Variants in UBASH3B observed in about 807,000 individuals in gnomAD.
UBASH3B encodes ubiquitin-associated and SH3 domain-containing protein B.
A neutral mutation model predicts 83.4 loss-of-function variants in UBASH3B; 37 were observed. The ratio of observed to expected loss-of-function variants is 0.44; its 90% confidence interval spans 0.34 to 0.58. The LOEUF (loss-of-function observed/expected upper bound fraction) is 0.58, where lower values mean the gene tolerates loss of function less well. UBASH3B is among the 20% of genes least tolerant of loss of function. The pLI is 0.01. For synonymous variants in UBASH3B, 304 were observed against 318.3 expected (o/e 0.96, Z 0.48); for missense variants, 657 against 827.2 (o/e 0.79, Z 2.52).
In UBASH3B at chr11:122,810,312, T is replaced by C. The variant is rs945751103; in HGVS notation, c.*426T>C. 11 of 155,124 alleles carry C rather than the reference T, an allele frequency of 7.1e-5. No individual in the cohort carries two copies. The highest frequency in any genetic ancestry group is 1.9e-4 in the Admixed American group (3 of 15,598). 9.6% of individuals were successfully genotyped at this position (155,124 alleles called of 1,614,324 possible). A position where few individuals can be genotyped will look rare whatever the true frequency, so the allele number is the denominator to read the frequency against. ...GCTTGGGGATGGAATTTTTTTTTTTTTATCTCCATTTTCCAGTTAGGTAGA... is the reference window on the plus strand; with the variant it reads ...GCTTGGGGATGGAATTTTTTTTTTTCTATCTCCATTTTCCAGTTAGGTAGA... On this transcript the variant is annotated 3_prime_UTR_variant, in exon 14 of 14. Transcript: ENST00000284273.
At chr11:122,695,942 T>C (rs796507447) in intron 1 of UBASH3B, among the ~76,000 whole-genome samples, 13 of 152,294 alleles carry the variant, frequency 8.5e-5, no homozygotes, top group African/African-American at 3.1e-4. Context: ...ATAGTTTTTT[T>C]ATTTTTTATT....
chr11:122,711,655 C>G lies in UBASH3B; in HGVS notation c.161+55445C>G, dbSNP rs538502517. 1.8e-4 allele frequency among the ~76,000 whole-genome samples: 28 copies of G among 152,352 alleles called. No individual in the cohort carries two copies. The South Asian group carries it at 5.6e-3, about 30-fold the overall frequency. ...ACTACCTCATGCTGTGTAACGGGCA[C>G]AGGTGCATGTGGAAAAAGAATCAAG... On this transcript the variant is annotated intron_variant, in intron 1 of 13. Transcript: ENST00000284273.
chr11:122,663,445 G>C (rs549782769), intron 1 of UBASH3B, among the ~76,000 whole-genome samples: 21 of 152,350 alleles, frequency 1.4e-4, no homozygotes, highest in African/African-American at 5.1e-4. Flanking sequence ...CTGCCTCACT[G>C]TTCTATCCTG....
At chr11:122,688,707 C>T (rs185058342) in intron 1 of UBASH3B, among the ~76,000 whole-genome samples, 1,838 of 150,492 alleles carry the variant, frequency 0.012, 37 homozygotes, top group African/African-American at 0.042. Flanking sequence ...TGCAGTAGTG[C>T]AATCTCGGCT....
chr11:122,657,222 A>G (rs1442558341), intron 1 of UBASH3B, among the ~76,000 whole-genome samples: 1 of 152,206 alleles, frequency 6.6e-6, no homozygotes, highest in East Asian at 1.9e-4. Context: ...AAACTTAATC[A>G]GTGAGGGCCA....
In UBASH3B at chr11:122,699,544, T is replaced by G. The variant is rs895556023; in HGVS notation, c.161+43334T>G. ...CTTTCTTTCTTTCTCTTTCTTTCTT[T>G]CTTTCTTTCTTTCTTTCTTTCTTTC... On this transcript the variant is annotated intron_variant, in intron 1 of 13. Coordinates refer to ENST00000284273, the MANE Select transcript of UBASH3B (RefSeq NM_032873.5). Among the ~76,000 whole-genome samples, 268 of 129,070 alleles carry G rather than the reference T, an allele frequency of 2.1e-3. 1 individual carries two copies. Among genetic ancestry groups the G allele is most frequent in the Non-Finnish European group, 3.4e-3 (205 of 61,120 alleles). The allele number at this position is 129,070 out of a possible 152,430, so 84.7% of individuals were successfully genotyped here. A position where few individuals can be genotyped will look rare whatever the true frequency, so the allele number is the denominator to read the frequency against.
intron 1 of UBASH3B, among the ~76,000 whole-genome samples, chr11:122,766,868 G>GT (rs1860551215): frequency 6.6e-6 from 1 of 152,266 alleles, no homozygotes; most frequent in Non-Finnish European, 1.5e-5. Context: ...GGACTCAGTT[G>GT]TGCTTCTACT....
At chr11:122,664,059 T>G (rs1863482401) in intron 1 of UBASH3B, among the ~76,000 whole-genome samples, 1 of 152,182 alleles carries the variant, frequency 6.6e-6, no homozygotes, top group African/African-American at 2.4e-5. Context: ...TCCACTTTTA[T>G]GGTTCTCTGT....
At chr11:122,725,407 G>T (rs751522948) in intron 1 of UBASH3B, among the ~76,000 whole-genome samples, 43 of 151,438 alleles carry the variant, frequency 2.8e-4, no homozygotes, top group Non-Finnish European at 5.7e-4. Flanking sequence ...TGAGTGCAAG[G>T]TATCTACCAT....
intron 5 of UBASH3B, among the ~76,000 whole-genome samples, 156 bp downstream of exon 5, chr11:122,783,378 T>C (rs1290517375): frequency 6.6e-6 from 1 of 152,128 alleles, no homozygotes; most frequent in African/African-American, 2.4e-5. Context: ...AGCCTCTGCT[T>C]GCCTCACTGG....
rs775906308 is a variant in UBASH3B at position 122,796,912 on chromosome 11, C to T, written c.1236C>T (p.Gly412=). Reference sequence around the variant, plus strand: ...CTGTCTAACCTCTTTGTTTTTCAGGCCGCTACATACGCACCAACCTGAACA... The same window carrying T: ...CTGTCTAACCTCTTTGTTTTTCAGGTCGCTACATACGCACCAACCTGAACA... ...YWLSQCFDAK[G]RYIRTNLNMP... is the part of the protein sequence containing the mutation. Residue 412 remains glycine (G), a splice_region_variant and synonymous_variant, in exon 9 of 14, where the codon GGC becomes GGT. Transcript: ENST00000284273. 13 of 1,613,976 alleles carry T rather than the reference C, an allele frequency of 8.1e-6. No individual in the cohort carries two copies. In the African/African-American group the frequency reaches 1.6e-4, roughly 20 times the overall value.
In UBASH3B at chr11:122,699,566, T is replaced by C. The variant is rs11218762; in HGVS notation, c.161+43356T>C. On this transcript the variant is annotated intron_variant, in intron 1 of 13. Transcript: ENST00000284273. ...CTTTCTTTCTTTCTTTCTTTCTTTC[T>C]TTCTTTCTTTTCTTTCTTTCCTTTC... Among the ~76,000 whole-genome samples, 20 of 135,750 alleles carry C rather than the reference T, an allele frequency of 1.5e-4. No homozygotes were observed. In the South Asian group the frequency reaches 1.8e-3, roughly 12 times the overall value. 89.1% of individuals were successfully genotyped at this position (135,750 alleles called of 152,430 possible). A position where few individuals can be genotyped will look rare whatever the true frequency, so the allele number is the denominator to read the frequency against.
chr11:122,693,508 T>G (rs1283969022), intron 1 of UBASH3B, among the ~76,000 whole-genome samples: 1 of 152,140 alleles, frequency 6.6e-6, no homozygotes, highest in Non-Finnish European at 1.5e-5. Context: ...AGGTACAGAA[T>G]GGACAAAGTC....
intron 1 of UBASH3B, among the ~76,000 whole-genome samples, chr11:122,688,990 G>A (rs1186861504): frequency 7.3e-6 from 1 of 136,656 alleles, no homozygotes; most frequent in Non-Finnish European, 1.6e-5. Flanking sequence ...GGGGGGGGGG[G>A]GGTTCCACCA....
chr11:122,722,760 C>T (rs1391084317), intron 1 of UBASH3B, among the ~76,000 whole-genome samples: 1 of 150,906 alleles, frequency 6.6e-6, no homozygotes, highest in African/African-American at 2.4e-5. Flanking sequence ...GGCTGGAGTG[C>T]AGTGGCATGA....
intron 1 of UBASH3B, among the ~76,000 whole-genome samples, chr11:122,762,460 C>T (rs890870991): frequency 4.6e-5 from 7 of 152,230 alleles, no homozygotes; most frequent in Non-Finnish European, 8.8e-5. Flanking sequence ...TATCACTCTT[C>T]TGTTAGGATA....
intron 1 of UBASH3B, among the ~76,000 whole-genome samples, chr11:122,676,077 C>T (rs1356415852): frequency 6.6e-6 from 1 of 152,180 alleles, no homozygotes; most frequent in Non-Finnish European, 1.5e-5. Flanking sequence ...GCTCTCCCAC[C>T]TCACCCTAAC....
intron 1 of UBASH3B, among the ~76,000 whole-genome samples, chr11:122,727,318 AT>A (rs1860759365): frequency 6.6e-6 from 1 of 152,174 alleles, no homozygotes; most frequent in Non-Finnish European, 1.5e-5. Context: ...GTTGGCTGTA[AT>A]TAGCTAGAAT....
intron 1 of UBASH3B, among the ~76,000 whole-genome samples, chr11:122,753,696 T>C (rs999365359): frequency 1.3e-5 from 2 of 151,784 alleles, no homozygotes; most frequent in Non-Finnish European, 2.9e-5. Flanking sequence ...GATTTCTCCA[T>C]GTTGGTCAGG....
Sources: gnomAD v4.1 joint callset for allele counts (sites outside exome capture counted in the v4.1 genomes callset) on GRCh38, gnomAD v4.1.1 for gene constraint, MANE v1.5 for transcripts, NCBI Gene and HGNC (gene_info 2026-07-23, HGNC 2026-07-21) for gene names.